The following OR2A5 variants were observed in gnomAD, a reference collection of about 807,000 sequenced individuals.
OR2A5 encodes olfactory receptor family 2 subfamily A member 5, also known as olfactory receptor 2A5.
Under a neutral mutation model 1.9 loss-of-function variants are expected in OR2A5, and 2 were observed. That is an observed-to-expected ratio of 1.04 (90% confidence interval 0.43 to 3.28). The LOEUF is 3.28. Among genes scored for constraint, OR2A5 ranks in the 30% most tolerant of loss-of-function variants. The probability of loss-of-function intolerance (pLI) is 0.08; values close to 1 mark genes in which losing one functional copy is unlikely to be tolerated. For missense variants in OR2A5, 391 were observed against 375.9 expected, an observed-to-expected ratio of 1.04 and a Z score of -0.33; for synonymous variants, 160 against 154.5, an observed-to-expected ratio of 1.04 and a Z score of -0.26.
chr7:144,055,563 A>T lies in OR2A5; in HGVS notation c.*4226A>T, dbSNP rs1404633508. 6.6e-6 allele frequency: 1 copy of T among 152,194 alleles called. No homozygotes were observed. Among genetic ancestry groups the T allele is most frequent in the African/African-American group, 2.4e-5 (1 of 41,456 alleles). 9.4% of individuals were successfully genotyped at this position (152,194 alleles called of 1,614,324 possible). A position where few individuals can be genotyped will look rare whatever the true frequency, so the allele number is the denominator to read the frequency against. ...AAAATCCCGTCTTGTTCTTCCGAGG[A>T]TTCAGCAGAGTCATCAAAAGAAAAT... is the stretch of plus-strand genomic sequence containing the variant. On this transcript the variant is annotated 3_prime_UTR_variant, in exon 2 of 2. Coordinates refer to ENST00000641693, the MANE Select transcript of OR2A5 (RefSeq NM_012365.2).
rs934142689 is a variant in OR2A5, at chr7:144,057,115, A to T, written c.*5778A>T. The T allele has an allele frequency of 2.6e-5, 4 of 152,058 alleles. No homozygotes were observed. The highest frequency in any genetic ancestry group is 9.7e-5 in the African/African-American group (4 of 41,412). 9.4% of individuals were successfully genotyped at this position (152,058 alleles called of 1,614,324 possible). A position where few individuals can be genotyped will look rare whatever the true frequency, so the allele number is the denominator to read the frequency against. On this transcript the variant is annotated 3_prime_UTR_variant, in exon 2 of 2. Coordinates refer to ENST00000641693, the MANE Select transcript of OR2A5 (RefSeq NM_012365.2). ...AGGCGTGAGCCACCGCGCCCGGCCA[A>T]CTCTTCTTAAATATGAAAAAAATTC... is the stretch of plus-strand genomic sequence containing the variant.
chr7:144,051,536 C>G lies in OR2A5; in HGVS notation c.*199C>G. ...ACAGGCGCTGAGCCGTGTGGTGCAGCAGAGGTGCAAAGTGCCATGAACTCC... is the reference window on the plus strand; with the variant it reads ...ACAGGCGCTGAGCCGTGTGGTGCAGGAGAGGTGCAAAGTGCCATGAACTCC... On this transcript the variant is annotated 3_prime_UTR_variant, in exon 2 of 2. Coordinates refer to ENST00000641693, the MANE Select transcript of OR2A5 (RefSeq NM_012365.2). The G allele has an allele frequency of 1.8e-6, 1 of 558,744 alleles. No homozygotes were observed. The highest frequency in any genetic ancestry group is 3.1e-6 in the Non-Finnish European group (1 of 320,292). 34.6% of individuals were successfully genotyped at this position (558,744 alleles called of 1,614,324 possible). A position where few individuals can be genotyped will look rare whatever the true frequency, so the allele number is the denominator to read the frequency against.
Position 144,056,905 on chromosome 7 carries a change from C to G in OR2A5, c.*5568C>G, listed in dbSNP as rs1451352523. On this transcript the variant is annotated 3_prime_UTR_variant, in exon 2 of 2. Transcript: ENST00000641693. ...TCTCGGTTCACTGCAAGCTCTGCCT[C>G]CTGGTTTCATGCCATTCTCCTGCCT... 1 of 151,088 alleles carries G rather than the reference C, an allele frequency of 6.6e-6. No individual in the cohort carries two copies. Among genetic ancestry groups the G allele is most frequent in the Non-Finnish European group, 1.5e-5 (1 of 67,938 alleles). 9.4% of individuals were successfully genotyped at this position (151,088 alleles called of 1,614,324 possible).
chr7:144,056,171 C>T lies in OR2A5; in HGVS notation c.*4834C>T, dbSNP rs1027526714. 2 of 152,192 alleles carry T rather than the reference C, an allele frequency of 1.3e-5. No homozygotes were observed. Among genetic ancestry groups the T allele is most frequent in the Non-Finnish European group, 2.9e-5 (2 of 68,074 alleles). 9.4% of individuals were successfully genotyped at this position (152,192 alleles called of 1,614,324 possible). On this transcript the variant is annotated 3_prime_UTR_variant, in exon 2 of 2. Coordinates refer to ENST00000641693, the MANE Select transcript of OR2A5 (RefSeq NM_012365.2). ...ATAATGGGGAACTGAGGCTTAGCAC[C>T]TTCCTTGAAAATAAGGTATGGAGGA... is the stretch of plus-strand genomic sequence containing the variant.
chr7:144,050,014 G>T lies in OR2A5; in HGVS notation c.-51-337G>T, dbSNP rs541017815. 1.1e-4 allele frequency among the ~76,000 whole-genome samples: 16 copies of T among 152,314 alleles called. No homozygotes were observed. The South Asian group carries it at 3.3e-3, about 32-fold the overall frequency. ...ATATGCAAAGTAAATAAATTAGAAAGTAAAACACATAAGAACATGGCTGTG... is the reference window on the plus strand; with the variant it reads ...ATATGCAAAGTAAATAAATTAGAAATTAAAACACATAAGAACATGGCTGTG... On this transcript the variant is annotated intron_variant, in intron 1 of 1. Coordinates refer to ENST00000641693, the MANE Select transcript of OR2A5 (RefSeq NM_012365.2).
chr7:144,056,810 T>TTC lies in OR2A5; in HGVS notation c.*5474_*5475insCT, dbSNP rs2050942459. 1 of 114,130 alleles carries TTC rather than the reference T, an allele frequency of 8.8e-6. No individual in the cohort carries two copies. The highest frequency in any genetic ancestry group is 1.7e-5 in the Non-Finnish European group (1 of 57,852). 7.1% of individuals were successfully genotyped at this position (114,130 alleles called of 1,614,324 possible). On this transcript the variant is annotated 3_prime_UTR_variant, in exon 2 of 2. Coordinates refer to ENST00000641693, the MANE Select transcript of OR2A5 (RefSeq NM_012365.2). ...CATTCCCTGAAATAAGGACTAACTCTTGTTTTTTTTTTTTTTTTTTTTGAG... is the reference window on the plus strand; with the variant it reads ...CATTCCCTGAAATAAGGACTAACTCTTCTGTTTTTTTTTTTTTTTTTTTTGAG...
In OR2A5 at chr7:144,054,890, T is replaced by C. The variant is rs1431965477; in HGVS notation, c.*3553T>C. On this transcript the variant is annotated 3_prime_UTR_variant, in exon 2 of 2. Coordinates refer to ENST00000641693, the MANE Select transcript of OR2A5 (RefSeq NM_012365.2). ...TCTAGGAAATCTCAGTCTCTGTATG[T>C]AGAGATAGAAACTCACCCTGGTGAC... 6.6e-6 allele frequency: 1 copy of C among 152,200 alleles called. No homozygotes were observed. Among genetic ancestry groups the C allele is most frequent in the African/African-American group, 2.4e-5 (1 of 41,436 alleles). 9.4% of individuals were successfully genotyped at this position (152,200 alleles called of 1,614,324 possible).
chr7:144,050,960 T>G lies in OR2A5; in HGVS notation c.559T>G (p.Leu187Val), dbSNP rs1423516399. Reference sequence around the variant, plus strand: ...CTGTGAAATCCTGTCTGTCCTCAAGTTGGCCTGTGCTGACACCTGGCTCAA... The same window carrying G: ...CTGTGAAATCCTGTCTGTCCTCAAGGTGGCCTGTGCTGACACCTGGCTCAA... Reference protein sequence around the residue: ...FFCEILSVLKLACADTWLNQV... With the variant: ...FFCEILSVLKVACADTWLNQV... The change falls in exon 2 of 2, where the codon TTG becomes GTG. Residue 187 changes from leucine to valine, a missense_variant. Physicochemically the swap from Leu to Val is conservative, Grantham distance 32. Coordinates refer to ENST00000641693, the MANE Select transcript of OR2A5 (RefSeq NM_012365.2). The G allele has an allele frequency of 1.2e-6, 2 of 1,614,210 alleles. No individual in the cohort carries two copies. Among genetic ancestry groups the G allele is most frequent in the Non-Finnish European group, 1.7e-6 (2 of 1,180,038 alleles).
At position 144,050,346 on chromosome 7, in the gene OR2A5, C is replaced by T; in HGVS notation, c.-51-5C>T. On this transcript the variant is annotated splice_region_variant and splice_polypyrimidine_tract_variant and intron_variant, in intron 1 of 1. Coordinates refer to ENST00000641693, the MANE Select transcript of OR2A5 (RefSeq NM_012365.2). Reference sequence around the variant, plus strand: ...GACTAATCCGGATCTGCATTTGCTCCTCAGCACATAGCTCATTGCCACAGC... The same window carrying T: ...GACTAATCCGGATCTGCATTTGCTCTTCAGCACATAGCTCATTGCCACAGC... 4 of 1,186,472 alleles carry T rather than the reference C, an allele frequency of 3.4e-6. No individual in the cohort carries two copies. Among genetic ancestry groups the T allele is most frequent in the East Asian group, 2.3e-5 (1 of 42,556 alleles). 73.5% of individuals were successfully genotyped at this position (1,186,472 alleles called of 1,614,324 possible).
In OR2A5 at chr7:144,050,343, C is replaced by A; in HGVS notation, c.-51-8C>A. 1 of 1,123,868 alleles carries A rather than the reference C, an allele frequency of 8.9e-7. No individual in the cohort carries two copies. Among genetic ancestry groups the A allele is most frequent in the Non-Finnish European group, 1.3e-6 (1 of 780,060 alleles). 69.6% of individuals were successfully genotyped at this position (1,123,868 alleles called of 1,614,324 possible). On this transcript the variant is annotated splice_region_variant and splice_polypyrimidine_tract_variant and intron_variant, in intron 1 of 1. Transcript: ENST00000641693. The stretch of plus-strand genomic sequence containing the variant: ...ACTGACTAATCCGGATCTGCATTTG[C>A]TCCTCAGCACATAGCTCATTGCCAC...
rs1422816165 is a variant in OR2A5 at position 144,056,851 on chromosome 7, G to A, written c.*5514G>A. On this transcript the variant is annotated 3_prime_UTR_variant, in exon 2 of 2. Coordinates refer to ENST00000641693, the MANE Select transcript of OR2A5 (RefSeq NM_012365.2). ...TTTTTTTGAGACGGAGTCTCGCTCT[G>A]TCGCCCAGGCTGGAGTGCAGTGGCA... 2.5e-5 allele frequency: 3 copies of A among 120,070 alleles called. No individual in the cohort carries two copies. The highest frequency in any genetic ancestry group is 4.7e-5 in the Non-Finnish European group (3 of 63,172). The allele number at this position is 120,070 out of a possible 1,614,324, so 7.4% of individuals were successfully genotyped here. A position where few individuals can be genotyped will look rare whatever the true frequency, so the allele number is the denominator to read the frequency against.
At position 144,053,784 on chromosome 7, in the gene OR2A5, C is replaced by T. The variant is rs1202798526; in HGVS notation, c.*2447C>T. The T allele has an allele frequency of 6.6e-6, 1 of 152,212 alleles. No homozygotes were observed. The highest frequency in any genetic ancestry group is 1.5e-5 in the Non-Finnish European group (1 of 68,054). 9.4% of individuals were successfully genotyped at this position (152,212 alleles called of 1,614,324 possible). A position where few individuals can be genotyped will look rare whatever the true frequency, so the allele number is the denominator to read the frequency against. On this transcript the variant is annotated 3_prime_UTR_variant, in exon 2 of 2. Transcript: ENST00000641693. ...ACACCAGAAAGAATACATCCTGTAG[C>T]CAACCCATCTTTGGAGGATTCATTA...
Position 144,050,664 on chromosome 7 carries a change from A to T in OR2A5, c.263A>T (p.Lys88Met). 1 of 1,614,130 alleles carries T rather than the reference A, an allele frequency of 6.2e-7. No homozygotes were observed. The highest frequency in any genetic ancestry group is 1.3e-5 in the African/African-American group (1 of 75,036). ...ATGCTGACAAACCTTGGCTTGAACA[A>T]GAGAAAAACAATCTCCTTTGTCCCA... The part of the protein sequence containing the change: ...PKMLTNLGLN[K>M]RKTISFVPCT... The change falls in exon 2 of 2, where the codon AAG becomes ATG. Residue 88 changes from lysine (K) to methionine (M), a missense_variant. By Grantham distance (95) the Lys-to-Met change is moderately conservative (BLOSUM62 -1). Coordinates refer to ENST00000641693, the MANE Select transcript of OR2A5 (RefSeq NM_012365.2).
rs1351177594 is a variant in OR2A5 at position 144,053,219 on chromosome 7, T to C, written c.*1882T>C. 1 of 151,806 alleles carries C rather than the reference T, an allele frequency of 6.6e-6. No individual in the cohort carries two copies. Among genetic ancestry groups the C allele is most frequent in the Non-Finnish European group, 1.5e-5 (1 of 67,984 alleles). The allele number at this position is 151,806 out of a possible 1,614,324, so 9.4% of individuals were successfully genotyped here. A position where few individuals can be genotyped will look rare whatever the true frequency, so the allele number is the denominator to read the frequency against. On this transcript the variant is annotated 3_prime_UTR_variant, in exon 2 of 2. Coordinates refer to ENST00000641693, the MANE Select transcript of OR2A5 (RefSeq NM_012365.2). ...AGAAATGTTCTCTAGCAGGTCTTAA[T>C]AGTGGCTCTAATTTTATATATATAT...
rs542672194 is a variant in OR2A5 at position 144,057,776 on chromosome 7, C to T, written c.*6439C>T. 6.6e-6 allele frequency: 1 copy of T among 151,990 alleles called. No homozygotes were observed. The highest frequency in any genetic ancestry group is 2.1e-4 in the South Asian group (1 of 4,818). 9.4% of individuals were successfully genotyped at this position (151,990 alleles called of 1,614,324 possible). A position where few individuals can be genotyped will look rare whatever the true frequency, so the allele number is the denominator to read the frequency against. ...AGAATAAAAGTATATAGGGTACATG[C>T]GAAGCATACGAGTTGATAAAGAATA... is the stretch of plus-strand genomic sequence containing the variant. On this transcript the variant is annotated 3_prime_UTR_variant, in exon 2 of 2. Transcript: ENST00000641693.
intron 1 of OR2A5, among the ~76,000 whole-genome samples, chr7:144,049,673 T>C (rs537038189): frequency 6.6e-6 from 1 of 152,352 alleles, no homozygotes; most frequent in Admixed American, 6.5e-5. Flanking sequence ...GCCCTGGCCA[T>C]ATATCAGAAA....
Position 144,050,407 on chromosome 7 carries a change from A to G in OR2A5, c.6A>G (p.Thr2=), listed in dbSNP as rs1382753582. The G allele has an allele frequency of 6.5e-7, 1 of 1,536,276 alleles. No homozygotes were observed. Among genetic ancestry groups the G allele is most frequent in the Admixed American group, 2.2e-5 (1 of 46,462 alleles). Residue 2 remains threonine, a synonymous_variant, in exon 2 of 2, where the codon ACA becomes ACG. Coordinates refer to ENST00000641693, the MANE Select transcript of OR2A5 (RefSeq NM_012365.2). M[T]KNQTWVTEFI... is the part of the protein sequence containing the mutation. ...GCAGGTACTGTCACAAGGGCATGAC[A>G]AAAAATCAGACATGGGTCACAGAAT... is the stretch of plus-strand genomic sequence containing the variant.
Position 144,055,569 on chromosome 7 carries a change from CAG to C in OR2A5, c.*4235_*4236del, listed in dbSNP as rs1289736342. 1 of 152,112 alleles carries C rather than the reference CAG, an allele frequency of 6.6e-6. No individual in the cohort carries two copies. The highest frequency in any genetic ancestry group is 1.9e-4 in the East Asian group (1 of 5,194). The allele number at this position is 152,112 out of a possible 1,614,324, so 9.4% of individuals were successfully genotyped here. A position where few individuals can be genotyped will look rare whatever the true frequency, so the allele number is the denominator to read the frequency against. On this transcript the variant is annotated 3_prime_UTR_variant, in exon 2 of 2. Transcript: ENST00000641693. ...CCGTCTTGTTCTTCCGAGGATTCAG[CAG>C]AGTCATCAAAAGAAAATATTCAAGT...
chr7:144,056,779 A>C lies in OR2A5; in HGVS notation c.*5442A>C, dbSNP rs1448698956. The C allele has an allele frequency of 6.6e-6, 1 of 152,050 alleles. No individual in the cohort carries two copies. The highest frequency in any genetic ancestry group is 1.5e-5 in the Non-Finnish European group (1 of 68,002). The allele number at this position is 152,050 out of a possible 1,614,324, so 9.4% of individuals were successfully genotyped here. A position where few individuals can be genotyped will look rare whatever the true frequency, so the allele number is the denominator to read the frequency against. On this transcript the variant is annotated 3_prime_UTR_variant, in exon 2 of 2. Transcript: ENST00000641693. ...TAACAATTACAGAGCTTAGAAATAA[A>C]ACACGCATTCCCTGAAATAAGGACT...
Sources: gnomAD v4.1 joint callset for allele counts (sites outside exome capture counted in the v4.1 genomes callset) on GRCh38, gnomAD v4.1.1 for gene constraint, MANE v1.5 for transcripts, NCBI Gene and HGNC (gene_info 2026-07-23, HGNC 2026-07-21) for gene names.